The following HMCN1 variants were observed in gnomAD, a reference collection of about 807,000 sequenced individuals.
HMCN1 encodes the protein hemicentin 1.
A neutral mutation model predicts 625.9 loss-of-function variants in HMCN1; 321 were observed. The ratio of observed to expected loss-of-function variants is 0.51; its 90% confidence interval spans 0.47 to 0.56. The LOEUF (loss-of-function observed/expected upper bound fraction) is 0.56, where lower values mean the gene tolerates loss of function less well. HMCN1 is among the 20% of genes least tolerant of loss of function. HMCN1 has a pLI of 0.00. For synonymous variants in HMCN1, 2,425 were observed against 2,417.6 expected (o/e 1.00, Z -0.09); for missense variants, 6,588 against 6,887.3 (o/e 0.96, Z 1.54).
At chr1:186,093,449 T>A in intron 65 of HMCN1, 37 bp from the exon 66 acceptor site, 1 of 1,602,556 alleles carries the variant, frequency 6.2e-7, no homozygotes, top group South Asian at 1.1e-5. Context: ...ACATAATACA[T>A]CCCTCTTCCC....
At chr1:186,048,919 C>A (rs1190748970) in intron 42 of HMCN1, 80 bp downstream of exon 42, 6 of 831,656 alleles carry the variant, frequency 7.2e-6, no homozygotes, top group Non-Finnish European at 4.1e-6. Context: ...ATCCATGTAA[C>A]TAAAACTGAT....
chr1:186,003,810 C>A lies in HMCN1; in HGVS notation c.4441C>A (p.Pro1481Thr). 6.2e-7 allele frequency: 1 copy of A among 1,613,262 alleles called. No homozygotes were observed. Among genetic ancestry groups the A allele is most frequent in the Non-Finnish European group, 8.5e-7 (1 of 1,179,408 alleles). ...CCTTGAATGCCAGGTCAAAGGCACT[C>A]CCTTTCCTGATATTCATTGGTTCAA... ...VALECQVKGT[P>T]FPDIHWFKDG... Residue 1481 changes from proline (P) to threonine (T), a missense_variant, in exon 29 of 107, where the codon CCC (proline) becomes ACC (threonine). Pro to Thr is a conservative substitution (Grantham distance 38, BLOSUM62 -1). Coordinates refer to ENST00000271588, the MANE Select transcript of HMCN1 (RefSeq NM_031935.3).
chr1:186,001,233 T>G, intron 26 of HMCN1, 65 bp from the exon 27 acceptor site: 1 of 1,451,656 alleles, frequency 6.9e-7, no homozygotes, highest in East Asian at 2.4e-5. Context: ...AAGGCCCTTA[T>G]AAAGAAACTC....
chr1:186,026,455 G>T (rs1440741581), intron 36 of HMCN1, among the ~76,000 whole-genome samples: 1 of 152,114 alleles, frequency 6.6e-6, no homozygotes, highest in Admixed American at 6.5e-5. Flanking sequence ...AACAAGAGAG[G>T]AACTAGCCCA....
intron 97 of HMCN1, among the ~76,000 whole-genome samples, chr1:186,155,546 A>G (rs1650945307): frequency 6.6e-6 from 1 of 152,188 alleles, no homozygotes; most frequent in Non-Finnish European, 1.5e-5. Flanking sequence ...TAGATGAATT[A>G]AAATGATTTC....
chr1:186,162,782 T>C (rs2102610639), intron 97 of HMCN1, among the ~76,000 whole-genome samples: 1 of 152,276 alleles, frequency 6.6e-6, no homozygotes, highest in Non-Finnish European at 1.5e-5. Flanking sequence ...AAGTTTTGTC[T>C]CAGAGGAGTA....
rs553296381 is a variant in HMCN1 at position 185,768,698 on chromosome 1, C to A, written c.268+33651C>A. Among the ~76,000 whole-genome samples, 81 of 152,308 alleles carry A rather than the reference C, an allele frequency of 5.3e-4. No homozygotes were observed. The Middle Eastern group carries it at 0.01, about 19-fold the overall frequency. The stretch of plus-strand genomic sequence containing the variant: ...TGGCGGCTCACGCCTGTGATCCTAG[C>A]ACTTTGGGAGGCCAAGGTGGGAGGA... On this transcript the variant is annotated intron_variant, in intron 1 of 106. Transcript: ENST00000271588.
chr1:186,093,103 C>A (rs757779383), intron 64 of HMCN1, 31 bp from the exon 65 acceptor site: 18 of 1,612,600 alleles, frequency 1.1e-5, no homozygotes, highest in Non-Finnish European at 1.4e-5. Context: ...TCAATCTCAT[C>A]TCAGCCCCTC....
In HMCN1 at chr1:186,015,451, T is replaced by TATGC. The variant is rs774013925; in HGVS notation, c.4909+15_4909+18dup. 15 of 1,610,766 alleles carry TATGC rather than the reference T, an allele frequency of 9.3e-6. No individual in the cohort carries two copies. The African/African-American group carries it at 2.0e-4, about 22-fold the overall frequency. ...TGGATGTCTATGGTGAGGAACAACA[T>TATGC]ATGCTTTAATTATATACCTTTCTAC... On this transcript the variant is annotated intron_variant, in intron 31 of 106. Coordinates refer to ENST00000271588, the MANE Select transcript of HMCN1 (RefSeq NM_031935.3).
At chr1:186,099,726 G>A (rs1242619222) in intron 68 of HMCN1, among the ~76,000 whole-genome samples, 1 of 152,158 alleles carries the variant, frequency 6.6e-6, no homozygotes, top group Non-Finnish European at 1.5e-5. Flanking sequence ...CTGTAGAGAT[G>A]AGTGGGGAAT....
At chr1:186,073,542 A>G (rs1488274184) in intron 52 of HMCN1, among the ~76,000 whole-genome samples, 1 of 152,154 alleles carries the variant, frequency 6.6e-6, no homozygotes, top group Non-Finnish European at 1.5e-5. Context: ...AGGTGAGAGA[A>G]ACACAGTTGC....
intron 1 of HMCN1, 41 bp downstream of exon 1, chr1:185,735,088 G>T: frequency 6.3e-7 from 1 of 1,587,580 alleles, no homozygotes; most frequent in African/African-American, 1.3e-5. Flanking sequence ...TATGTCTCAT[G>T]ATTACATTAT....
intron 82 of HMCN1, among the ~76,000 whole-genome samples, chr1:186,127,817 A>C (rs1210506423): frequency 6.6e-6 from 1 of 152,144 alleles, no homozygotes; most frequent in Non-Finnish European, 1.5e-5. Context: ...ATATCTAGCA[A>C]ACCACAGAAA....
At chr1:186,100,903 A>C (rs1484489686) in intron 68 of HMCN1, among the ~76,000 whole-genome samples, 2 of 152,180 alleles carry the variant, frequency 1.3e-5, no homozygotes, top group Non-Finnish European at 2.9e-5. Flanking sequence ...TTCTAGATGC[A>C]ACAATAGAGC....
chr1:185,968,005 C>G (rs1326738141), intron 14 of HMCN1, among the ~76,000 whole-genome samples: 2 of 152,000 alleles, frequency 1.3e-5, no homozygotes, highest in African/African-American at 4.8e-5. Flanking sequence ...AAAGGAGAAT[C>G]AAAACACTAC....
At chr1:185,863,452 A>C (rs1208336094) in intron 2 of HMCN1, among the ~76,000 whole-genome samples, 1 of 152,218 alleles carries the variant, frequency 6.6e-6, no homozygotes, top group African/African-American at 2.4e-5. Context: ...TGGAGAAGTA[A>C]AATTTGAAAG....
chr1:185,938,316 A>G (rs898901718), intron 11 of HMCN1, among the ~76,000 whole-genome samples: 4 of 152,196 alleles, frequency 2.6e-5, no homozygotes, highest in African/African-American at 7.2e-5. Context: ...ATTTGATATT[A>G]CTAGTAGGAA....
At chr1:186,166,997 C>A (rs1477480367) in intron 100 of HMCN1, 55 bp downstream of exon 100, 3 of 1,607,428 alleles carry the variant, frequency 1.9e-6, no homozygotes, top group Admixed American at 1.7e-5. Flanking sequence ...TTAGACCCAC[C>A]TTTTGACTCC....
chr1:186,059,523 A>G (rs986579265), intron 46 of HMCN1, among the ~76,000 whole-genome samples: 2 of 152,070 alleles, frequency 1.3e-5, no homozygotes, highest in African/African-American at 4.8e-5. Flanking sequence ...TGAACACATG[A>G]TAAGTATTTC....
Sources: gnomAD v4.1 joint callset for allele counts (sites outside exome capture counted in the v4.1 genomes callset) on GRCh38, gnomAD v4.1.1 for gene constraint, MANE v1.5 for transcripts, NCBI Gene and HGNC (gene_info 2026-07-23, HGNC 2026-07-21) for gene names.